CARMIL1: variants seen among roughly 807,000 people sequenced by gnomAD.
The protein encoded by CARMIL1 is capping protein regulator and myosin 1 linker 1.
Under a neutral mutation model 177.1 loss-of-function variants are expected in CARMIL1, and 90 were observed. The observed-to-expected ratio is 0.51, with a 90% CI of 0.43 to 0.61. The LOEUF (loss-of-function observed/expected upper bound fraction) is 0.61, where lower values mean the gene tolerates loss of function less well. Among genes scored for constraint, CARMIL1 ranks in the 20% least tolerant of loss-of-function variants. CARMIL1 has a pLI of 0.00. For synonymous variants in CARMIL1, 577 were observed against 606.2 expected (o/e 0.95, Z 0.71); for missense variants, 1,380 against 1,667.0 (o/e 0.83, Z 3.00).
At chr6:25,388,591 C>A (rs1382306835) in intron 2 of CARMIL1, among the ~76,000 whole-genome samples, 1 of 152,158 alleles carries the variant, frequency 6.6e-6, no homozygotes, top group East Asian at 1.9e-4. Flanking sequence ...GTCTCAAACT[C>A]CTGACCTTGT....
chr6:25,616,745 T>C (rs1442663330), intron 36 of CARMIL1, among the ~76,000 whole-genome samples: 1 of 152,246 alleles, frequency 6.6e-6, no homozygotes, highest in Non-Finnish European at 1.5e-5. Context: ...TGCAGTCAAA[T>C]AGATGTTCCC....
intron 2 of CARMIL1, among the ~76,000 whole-genome samples, chr6:25,301,641 G>A (rs140934111): frequency 3.8e-4 from 58 of 152,228 alleles, no homozygotes; most frequent in African/African-American, 1.2e-3. Flanking sequence ...GGGTTTCATG[G>A]CATGCTGCTT....
intron 8 of CARMIL1, 185 bp from the exon 9 acceptor site, chr6:25,465,688 T>G: frequency 1.8e-6 from 1 of 566,280 alleles, no homozygotes; most frequent in South Asian, 2.3e-5. Flanking sequence ...GACAATTTAC[T>G]TCAACTTTTG....
intron 27 of CARMIL1, 106 bp from the exon 28 acceptor site, chr6:25,553,903 C>A: frequency 2.8e-6 from 2 of 717,898 alleles, no homozygotes; most frequent in Non-Finnish European, 2.4e-6. Flanking sequence ...CTTTCAAAGA[C>A]AGAAATGGAA....
chr6:25,420,036 A>T, intron 2 of CARMIL1, 78 bp from the exon 3 acceptor site: 2 of 1,090,254 alleles, frequency 1.8e-6, no homozygotes, highest in Non-Finnish European at 2.8e-6. Context: ...CAGTATCATT[A>T]AAGTCCCGTG....
At chr6:25,618,020 G>A (rs753488890) in intron 36 of CARMIL1, among the ~76,000 whole-genome samples, 19 of 152,284 alleles carry the variant, frequency 1.2e-4, no homozygotes, top group African/African-American at 4.3e-4. Context: ...AAGAAATTAC[G>A]TACTTTTATT....
chr6:25,539,004 T>G (rs955493983), intron 25 of CARMIL1, among the ~76,000 whole-genome samples: 1 of 152,024 alleles, frequency 6.6e-6, no homozygotes, highest in African/African-American at 2.4e-5. Context: ...GCTGTATACC[T>G]GCAGAACTCC....
At position 25,580,828 on chromosome 6, in the gene CARMIL1, T is replaced by G. The variant is rs978914385; in HGVS notation, c.2743-96T>G. The G allele has an allele frequency of 8.0e-6, 7 of 877,538 alleles. No individual in the cohort carries two copies. In the African/African-American group the frequency reaches 1.2e-4, roughly 15 times the overall value. The allele number at this position is 877,538 out of a possible 1,614,324, so 54.4% of individuals were successfully genotyped here. ...TCTTCTAAAGCAGAGAAACAACTAC[T>G]GAGTTAAACAGTCGATCCAGAATGT... On this transcript the variant is annotated intron_variant, in intron 29 of 36. Coordinates refer to ENST00000329474, the MANE Select transcript of CARMIL1 (RefSeq NM_017640.6).
chr6:25,316,575 C>G (rs1015338198), intron 2 of CARMIL1, among the ~76,000 whole-genome samples: 1 of 152,020 alleles, frequency 6.6e-6, no homozygotes, highest in Admixed American at 6.6e-5. Flanking sequence ...CTGCGCCTGG[C>G]TAATTTTTGT....
rs1005043072 is a variant in CARMIL1, at chr6:25,509,760, A to G, written c.1477+23A>G. On this transcript the variant is annotated intron_variant, in intron 18 of 36. Transcript: ENST00000329474. This position sits in a 1 kb window ranked among gnomAD's most constrained non-coding sequence, Gnocchi z 4.1. ...ATGGTAAGTCAGATATTGAAAAGAAATGAAACTGAAATATTTTTTGAAGCA... is the reference window on the plus strand; with the variant it reads ...ATGGTAAGTCAGATATTGAAAAGAAGTGAAACTGAAATATTTTTTGAAGCA... 1 of 1,471,036 alleles carries G rather than the reference A, an allele frequency of 6.8e-7. No homozygotes were observed. Among genetic ancestry groups the G allele is most frequent in the African/African-American group, 1.4e-5 (1 of 71,728 alleles). The allele number at this position is 1,471,036 out of a possible 1,614,324, so 91.1% of individuals were successfully genotyped here. A position where few individuals can be genotyped will look rare whatever the true frequency, so the allele number is the denominator to read the frequency against.
intron 32 of CARMIL1, 93 bp from the exon 33 acceptor site, chr6:25,600,221 A>T: frequency 8.5e-7 from 1 of 1,181,280 alleles, no homozygotes; most frequent in Non-Finnish European, 1.2e-6. Flanking sequence ...GTTACTGTAT[A>T]TGTAGCAATC....
At chr6:25,475,379 T>A (rs1801456738) in intron 11 of CARMIL1, among the ~76,000 whole-genome samples, 1 of 148,124 alleles carries the variant, frequency 6.8e-6, no homozygotes, top group African/African-American at 2.5e-5. Flanking sequence ...CTAGCCTGGG[T>A]GAGAGAGTGA....
chr6:25,311,211 T>C (rs1267212126), intron 2 of CARMIL1, among the ~76,000 whole-genome samples: 1 of 152,008 alleles, frequency 6.6e-6, no homozygotes, highest in African/African-American at 2.4e-5. Flanking sequence ...AAAAAAACCA[T>C]GACGGGTTGA....
At chr6:25,355,908 T>C (rs1442644144) in intron 2 of CARMIL1, among the ~76,000 whole-genome samples, 1 of 152,208 alleles carries the variant, frequency 6.6e-6, no homozygotes, top group Non-Finnish European at 1.5e-5. Context: ...CTATCTTTTA[T>C]GGCAGTGTAG....
rs375982999 is a variant in CARMIL1, at chr6:25,449,954, C to T, written c.428C>T (p.Ala143Val). 140 of 1,611,794 alleles carry T rather than the reference C, an allele frequency of 8.7e-5. No homozygotes were observed. Among genetic ancestry groups the T allele is most frequent in the Non-Finnish European group, 7.0e-5 (83 of 1,178,652 alleles). ...EPSERLASLQALWDSQTVAEQ... is the reference protein window; with the variant it reads ...EPSERLASLQVLWDSQTVAEQ... ...TCTGAGCGCCTGGCTAGTCTCCAGG[C>T]GCTGTGGGACAGCCAGACCGTGGCT... The change falls in exon 6 of 37, where the codon GCG becomes GTG. Residue 143 changes from alanine to valine, a missense_variant. Transcript: ENST00000329474.
At chr6:25,569,934 G>A (rs900168180) in intron 29 of CARMIL1, among the ~76,000 whole-genome samples, 3 of 152,018 alleles carry the variant, frequency 2.0e-5, no homozygotes, top group African/African-American at 7.2e-5. Flanking sequence ...ATGACCATCA[G>A]ATTAACATCT....
chr6:25,280,605 G>A (rs989958138), intron 1 of CARMIL1, among the ~76,000 whole-genome samples: 112 of 150,866 alleles, frequency 7.4e-4, no homozygotes, highest in Non-Finnish European at 1.3e-3. Flanking sequence ...TTTTTTGGTG[G>A]TGGTGGGGGC....
chr6:25,306,796 C>G (rs2150190376), intron 2 of CARMIL1, among the ~76,000 whole-genome samples: 1 of 149,292 alleles, frequency 6.7e-6, no homozygotes, highest in African/African-American at 2.5e-5. Context: ...TCTTTCAGTT[C>G]TTTTGAGTAT....
Position 25,509,381 on chromosome 6 carries a change from A to G in CARMIL1, c.1396-275A>G, listed in dbSNP as rs1015184814. Among the ~76,000 whole-genome samples, 2 of 152,164 alleles carry G rather than the reference A, an allele frequency of 1.3e-5. No individual in the cohort carries two copies. Among genetic ancestry groups the G allele is most frequent in the African/African-American group, 2.4e-5 (1 of 41,436 alleles). Reference sequence around the variant, plus strand: ...GTTGATAATGCACTGCTTTGCTACTATAGTGGCGTGGGTGGTGGTCATCTT... The same window carrying G: ...GTTGATAATGCACTGCTTTGCTACTGTAGTGGCGTGGGTGGTGGTCATCTT... On this transcript the variant is annotated intron_variant, in intron 17 of 36. Coordinates refer to ENST00000329474, the MANE Select transcript of CARMIL1 (RefSeq NM_017640.6). This position sits in a 1 kb window ranked among gnomAD's most constrained non-coding sequence, Gnocchi z 4.1.
Sources: allele counts gnomAD v4.1 joint callset (sites outside exome capture counted in the v4.1 genomes callset), GRCh38; gene constraint gnomAD v4.1.1; non-coding constraint Gnocchi (gnomAD v3.1); transcripts MANE v1.5; gene names NCBI Gene and HGNC (gene_info 2026-07-23, HGNC 2026-07-21).